Variants in CACNA1A observed in about 807,000 individuals in gnomAD.
The protein encoded by CACNA1A is voltage-dependent P/Q-type calcium channel subunit alpha-1A.
A neutral mutation model predicts 262.4 loss-of-function variants in CACNA1A; 57 were observed. The ratio of observed to expected loss-of-function variants is 0.22; its 90% CI spans 0.18 to 0.27. CACNA1A has a LOEUF of 0.27. CACNA1A is among the 10% of genes least tolerant of loss of function. The probability of loss-of-function intolerance (pLI) is 1.00; values close to 1 mark genes in which losing one functional copy is unlikely to be tolerated. For synonymous variants in CACNA1A, 1,431 were observed against 1,419.3 expected, an observed-to-expected ratio of 1.01 and a Z score of -0.18; for missense variants, 2,526 against 3,562.8, an observed-to-expected ratio of 0.71 and a Z score of 7.41.
At chr19:13,352,500 G>A (rs188705742) in intron 6 of CACNA1A, among the ~76,000 whole-genome samples, 73 of 151,848 alleles carry the variant, frequency 4.8e-4, no homozygotes, top group African/African-American at 1.7e-3. Flanking sequence ...CCCACCACCC[G>A]AAGGTCAGCT....
intron 1 of CACNA1A, among the ~76,000 whole-genome samples, chr19:13,493,446 C>T (rs1319585161): frequency 1.3e-5 from 2 of 152,360 alleles, no homozygotes; most frequent in African/African-American, 4.8e-5. Flanking sequence ...CCCCTACATT[C>T]GTGACAACCA....
At chr19:13,323,963 C>A (rs1037556577) in intron 10 of CACNA1A, among the ~76,000 whole-genome samples, 8 of 152,126 alleles carry the variant, frequency 5.3e-5, no homozygotes, top group Non-Finnish European at 1.0e-4. Flanking sequence ...GCATTATTCA[C>A]AATAGCCAAA....
intron 3 of CACNA1A, among the ~76,000 whole-genome samples, chr19:13,372,851 T>C (rs73501146): frequency 0.062 from 9,434 of 152,224 alleles, 929 homozygotes; most frequent in African/African-American, 0.21. Flanking sequence ...AAGAGTCCCT[T>C]TTGTAAATGC....
intron 19 of CACNA1A, among the ~76,000 whole-genome samples, chr19:13,296,304 C>T (rs559488838): frequency 6.6e-6 from 1 of 152,206 alleles, no homozygotes; most frequent in African/African-American, 2.4e-5. Flanking sequence ...ACAACAGGAT[C>T]ACTTAAACCC....
In CACNA1A at chr19:13,210,824, A is replaced by C. The variant is rs2054785391; in HGVS notation, c.6304-172T>G. 4.1e-6 allele frequency: 3 copies of C among 729,212 alleles called. 1 individual carries two copies. Among genetic ancestry groups the C allele is most frequent in the Non-Finnish European group, 7.1e-6 (3 of 421,336 alleles). The allele number at this position is 729,212 out of a possible 1,614,324, so 45.2% of individuals were successfully genotyped here. On this transcript the variant is annotated intron_variant, in intron 43 of 46. Transcript: ENST00000360228. ...AAGGCAGGGAGGAAAAGAAAAGTTA[A>C]AGTCCTGGCGGGTGGGTGTCCCAGG...
At chr19:13,373,931 G>A (rs755914824) in intron 3 of CACNA1A, among the ~76,000 whole-genome samples, 14 of 152,208 alleles carry the variant, frequency 9.2e-5, no homozygotes, top group Non-Finnish European at 1.8e-4. Context: ...ATCTGTTGCA[G>A]GTGTGATGCC....
chr19:13,434,315 G>C (rs2060572405), intron 3 of CACNA1A, among the ~76,000 whole-genome samples: 2 of 152,192 alleles, frequency 1.3e-5, no homozygotes, highest in South Asian at 4.2e-4. Context: ...TGTTATTACT[G>C]ATACCTTCAT....
chr19:13,402,153 C>T (rs1291461129), intron 3 of CACNA1A, among the ~76,000 whole-genome samples: 2 of 152,228 alleles, frequency 1.3e-5, no homozygotes, highest in African/African-American at 4.8e-5. Context: ...AGCTTCAAGA[C>T]AACTACAGTC....
chr19:13,430,996 G>A (rs2060495008), intron 3 of CACNA1A, among the ~76,000 whole-genome samples: 1 of 152,010 alleles, frequency 6.6e-6, no homozygotes, highest in Non-Finnish European at 1.5e-5. Flanking sequence ...GGTGTGTAAG[G>A]GACAGCAGGG....
intron 1 of CACNA1A, among the ~76,000 whole-genome samples, chr19:13,497,955 G>A (rs1225726128): frequency 1.3e-5 from 2 of 151,624 alleles, no homozygotes; most frequent in Admixed American, 1.3e-4. Context: ...AGCTCTATAT[G>A]TCTCCCCTCC....
chr19:13,465,180 C>G (rs911723649), intron 1 of CACNA1A, among the ~76,000 whole-genome samples: 23 of 152,132 alleles, frequency 1.5e-4, no homozygotes, highest in Non-Finnish European at 2.6e-4. Context: ...ATCTGCCCAC[C>G]TCAGCCTCCC....
At chr19:13,493,136 C>A (rs1981102339) in intron 1 of CACNA1A, among the ~76,000 whole-genome samples, 1 of 152,224 alleles carries the variant, frequency 6.6e-6, no homozygotes, top group Non-Finnish European at 1.5e-5. Context: ...ATCAACGAAT[C>A]TGTCGGTAGC....
chr19:13,464,543 A>ATTGTTTT (rs1170388497), intron 1 of CACNA1A, among the ~76,000 whole-genome samples: 1 of 128,960 alleles, frequency 7.8e-6, no homozygotes, highest in East Asian at 2.3e-4. Flanking sequence ...AACTTTTCCA[A>ATTGTTTT]TTTTTTTTTT....
intron 10 of CACNA1A, among the ~76,000 whole-genome samples, chr19:13,318,991 C>T (rs150357492): frequency 0.01 from 1,511 of 149,964 alleles, 32 homozygotes; most frequent in African/African-American, 0.036. Context: ...TGGGTTCAAG[C>T]GATCCTCCCA....
chr19:13,214,649 G>C lies in CACNA1A; in HGVS notation c.5732-41C>G. The C allele has an allele frequency of 6.7e-7, 1 of 1,486,146 alleles. No homozygotes were observed. The highest frequency in any genetic ancestry group is 9.3e-7 in the Non-Finnish European group (1 of 1,071,156). The allele number at this position is 1,486,146 out of a possible 1,614,324, so 92.1% of individuals were successfully genotyped here. A position where few individuals can be genotyped will look rare whatever the true frequency, so the allele number is the denominator to read the frequency against. ...AGACAGACCCTGACTGCCTGCCTGG[G>C]TGTCAGCTGGACTCTGGGTCAGCTG... On this transcript the variant is annotated intron_variant, in intron 38 of 46. Transcript: ENST00000360228. The surrounding 1 kb of genome is among the most constrained non-coding windows in gnomAD (Gnocchi z 4.1).
intron 15 of CACNA1A, among the ~76,000 whole-genome samples, chr19:13,304,941 G>C (rs923301713): frequency 1.3e-5 from 2 of 152,186 alleles, no homozygotes; most frequent in Non-Finnish European, 1.5e-5. Flanking sequence ...TTCCTCATGT[G>C]GTCATGGTGA....
At chr19:13,264,830 G>C (rs2056824638) in intron 24 of CACNA1A, among the ~76,000 whole-genome samples, 1 of 151,754 alleles carries the variant, frequency 6.6e-6, no homozygotes, top group Non-Finnish European at 1.5e-5. Context: ...ACTCTTCAAA[G>C]GCTTACAGTG....
chr19:13,426,473 C>T (rs925737107), intron 3 of CACNA1A, among the ~76,000 whole-genome samples: 8 of 152,048 alleles, frequency 5.3e-5, no homozygotes, highest in African/African-American at 1.9e-4. Context: ...AGTATCTTAG[C>T]ACAGGGTGGT....
intron 1 of CACNA1A, among the ~76,000 whole-genome samples, chr19:13,476,806 C>T (rs1020978767): frequency 6.6e-6 from 1 of 152,136 alleles, no homozygotes; most frequent in African/African-American, 2.4e-5. Context: ...CAACCTGGTT[C>T]CACCCCCACT....
Sources: gnomAD v4.1 joint callset for allele counts (sites outside exome capture counted in the v4.1 genomes callset) on GRCh38, gnomAD v4.1.1 for gene constraint, Gnocchi (gnomAD v3.1) non-coding constraint, MANE v1.5 for transcripts, NCBI Gene and HGNC (gene_info 2026-07-23, HGNC 2026-07-21) for gene names.